KCND2: variants seen among roughly 807,000 people sequenced by gnomAD.
KCND2 encodes potassium voltage-gated channel subfamily D member 2, also known as A-type voltage-gated potassium channel KCND2.
A neutral mutation model predicts 54.4 loss-of-function variants in KCND2; 16 were observed. That is an observed-to-expected ratio of 0.29 (90% CI 0.20 to 0.45). The LOEUF is 0.45. Ranked by LOEUF, KCND2 falls within the 20% of genes least tolerant of loss-of-function variation. The pLI is 1.00. For missense variants in KCND2, 486 were observed against 824.2 expected (o/e 0.59, Z 5.02); for synonymous variants, 317 against 310.7 (o/e 1.02, Z -0.21).
rs1263576170 is a variant in KCND2, at chr7:120,291,515, GAAC to G, written c.1115+15774_1115+15776del. 2.0e-5 allele frequency among the ~76,000 whole-genome samples: 3 copies of G among 151,962 alleles called. No homozygotes were observed. The South Asian group carries it at 6.2e-4, about 32-fold the overall frequency. ...AACAAATATGATGTCCAGAAACACA[GAAC>G]AACAAATGCACGGTCATATACAAAG... On this transcript the variant is annotated intron_variant, in intron 1 of 5. Transcript: ENST00000331113.
chr7:120,451,306 T>TAA (rs1040048558), intron 1 of KCND2, among the ~76,000 whole-genome samples: 30 of 151,698 alleles, frequency 2.0e-4, no homozygotes, highest in African/African-American at 7.3e-4. Context: ...CACGAGTTAT[T>TAA]AAAAAATATA....
At chr7:120,308,856 A>G (rs780336004) in intron 1 of KCND2, among the ~76,000 whole-genome samples, 36 of 152,320 alleles carry the variant, frequency 2.4e-4, no homozygotes, top group African/African-American at 7.5e-4. Flanking sequence ...TTGTTTAACA[A>G]ATTAACTTGA....
At chr7:120,577,848 G>C (rs755765085) in intron 1 of KCND2, among the ~76,000 whole-genome samples, 41 of 152,188 alleles carry the variant, frequency 2.7e-4, no homozygotes, top group Non-Finnish European at 5.1e-4. Context: ...GCTTCCCAAA[G>C]TGCTGGGATT....
At chr7:120,498,277 C>T (rs538030258) in intron 1 of KCND2, among the ~76,000 whole-genome samples, 18 of 152,132 alleles carry the variant, frequency 1.2e-4, no homozygotes, top group African/African-American at 4.1e-4. Flanking sequence ...GTCAAGAGAT[C>T]GGGACCATCC....
At chr7:120,292,016 T>C (rs1584715489) in intron 1 of KCND2, among the ~76,000 whole-genome samples, 1 of 152,014 alleles carries the variant, frequency 6.6e-6, no homozygotes, top group African/African-American at 2.4e-5. Flanking sequence ...TGTTTTTCTG[T>C]CTCTTATTTC....
chr7:120,531,937 C>T (rs1031493013), intron 1 of KCND2, among the ~76,000 whole-genome samples: 3 of 151,906 alleles, frequency 2.0e-5, no homozygotes, highest in African/African-American at 7.2e-5. Flanking sequence ...TTTATCTAGT[C>T]TTGTGGCTTT....
intron 1 of KCND2, among the ~76,000 whole-genome samples, chr7:120,634,782 G>A (rs1793283465): frequency 6.6e-6 from 1 of 152,140 alleles, no homozygotes; most frequent in Non-Finnish European, 1.5e-5. Context: ...TTAGGGTAAA[G>A]TCCAAAGTCC....
At chr7:120,723,816 A>G (rs948299126) in intron 1 of KCND2, among the ~76,000 whole-genome samples, 1 of 152,214 alleles carries the variant, frequency 6.6e-6, no homozygotes, top group Non-Finnish European at 1.5e-5. Context: ...AAACAGGTAG[A>G]AACTGGAAAA....
intron 1 of KCND2, among the ~76,000 whole-genome samples, chr7:120,292,577 A>G (rs892739587): frequency 2.6e-5 from 4 of 151,786 alleles, no homozygotes; most frequent in Non-Finnish European, 4.4e-5. Context: ...TATTTTCTAC[A>G]TTTATATGGC....
chr7:120,614,315 T>C (rs994965954), intron 1 of KCND2, among the ~76,000 whole-genome samples: 5 of 152,118 alleles, frequency 3.3e-5, no homozygotes, highest in Non-Finnish European at 7.4e-5. Context: ...GCCTGGCCTT[T>C]GTTGGAATAT....
intron 5 of KCND2, 45 bp downstream of exon 5, chr7:120,746,072 C>T (rs1793002646): frequency 1.9e-6 from 3 of 1,603,524 alleles, no homozygotes; most frequent in African/African-American, 1.3e-5. Context: ...GTGCTGGTTC[C>T]CAGGGTGTGT....
At chr7:120,324,023 T>C (rs1412619351) in intron 1 of KCND2, among the ~76,000 whole-genome samples, 1 of 148,270 alleles carries the variant, frequency 6.7e-6, no homozygotes, top group African/African-American at 2.5e-5. Flanking sequence ...TCATTGTGGT[T>C]TTGATTTGCA....
intron 1 of KCND2, among the ~76,000 whole-genome samples, chr7:120,309,867 C>G (rs781569766): frequency 6.6e-6 from 1 of 152,058 alleles, no homozygotes; most frequent in African/African-American, 2.4e-5. Flanking sequence ...GTCTACAAAC[C>G]AGTCACAGGG....
chr7:120,460,556 G>A (rs1584788250), intron 1 of KCND2, among the ~76,000 whole-genome samples: 1 of 137,142 alleles, frequency 7.3e-6, no homozygotes, highest in Non-Finnish European at 1.5e-5. Context: ...CCCCACCACG[G>A]CCTTTTTTTT....
intron 1 of KCND2, among the ~76,000 whole-genome samples, chr7:120,560,930 G>C (rs538393041): frequency 5.5e-4 from 83 of 152,240 alleles, no homozygotes; most frequent in Non-Finnish European, 1.0e-3. Context: ...TTTGACCAAG[G>C]TACCAAAATG....
intron 1 of KCND2, among the ~76,000 whole-genome samples, chr7:120,702,202 G>A (rs918069157): frequency 1.3e-5 from 2 of 152,114 alleles, no homozygotes; most frequent in East Asian, 1.9e-4. Flanking sequence ...CTCAACATCA[G>A]TGATCATTGG....
chr7:120,736,070 G>A (rs763291611), intron 2 of KCND2, among the ~76,000 whole-genome samples: 2 of 152,030 alleles, frequency 1.3e-5, no homozygotes, highest in Non-Finnish European at 2.9e-5. Flanking sequence ...CAGTAAAAAC[G>A]TCAGTCCAAC....
rs189905144 is a variant in KCND2 at position 120,594,934 on chromosome 7, C to T, written c.1116-137969C>T. 9.8e-4 allele frequency among the ~76,000 whole-genome samples: 149 copies of T among 151,532 alleles called. 1 individual carries two copies. The highest frequency in any genetic ancestry group is 3.4e-3 in the African/African-American group (141 of 41,308). On this transcript the variant is annotated intron_variant, in intron 1 of 5. Transcript: ENST00000331113. ...ACTCAGGAGGCGGAGGCAGGAGAAT[C>T]GCTTAAACCCGGGAGGCGGAGGTTG... is the stretch of plus-strand genomic sequence containing the variant.
chr7:120,741,281 T>A (rs1313840186), intron 2 of KCND2, among the ~76,000 whole-genome samples: 1 of 152,196 alleles, frequency 6.6e-6, no homozygotes, highest in African/African-American at 2.4e-5. Context: ...TAACTTGATC[T>A]TATTGTAAAG....
Sources: allele counts gnomAD v4.1 joint callset (sites outside exome capture counted in the v4.1 genomes callset), GRCh38; gene constraint gnomAD v4.1.1; transcripts MANE v1.5; gene names NCBI Gene and HGNC (gene_info 2026-07-23, HGNC 2026-07-21).